TRAM1: variants seen among roughly 807,000 people sequenced by gnomAD.
TRAM1 encodes translocating chain-associated membrane protein 1.
TRAM1 carries 17 observed loss-of-function variants against 48.7 expected under a neutral mutation model. The ratio of observed to expected loss-of-function variants is 0.35; its 90% CI spans 0.24 to 0.52. TRAM1 has a LOEUF of 0.52. Ranked by LOEUF, TRAM1 falls within the 20% of genes least tolerant of loss-of-function variation. TRAM1 has a pLI of 0.94. For missense variants in TRAM1, 351 were observed against 441.5 expected (o/e 0.79, Z 1.84); for synonymous variants, 182 against 154.0 (o/e 1.18, Z -1.34).
chr8:70,600,464 T>A (rs1484759268), intron 1 of TRAM1, among the ~76,000 whole-genome samples: 1 of 152,198 alleles, frequency 6.6e-6, no homozygotes, highest in African/African-American at 2.4e-5. Flanking sequence ...ACAGTTAGCA[T>A]GAGAAAAGCA....
intron 6 of TRAM1, among the ~76,000 whole-genome samples, chr8:70,593,605 A>AT (rs1178778642): frequency 6.6e-6 from 1 of 151,838 alleles, no homozygotes; most frequent in Non-Finnish European, 1.5e-5. Flanking sequence ...TTAAAAAAAA[A>AT]AAAAAAACTC....
At position 70,574,993 on chromosome 8, in the gene TRAM1, T is replaced by G; in HGVS notation, c.1064A>C (p.Asn355Thr). The change falls in exon 11 of 11, where the codon AAT becomes ACT. Residue 355 changes from asparagine (N) to threonine (T), a missense_variant. Transcript: ENST00000262213. ...TGCTACATTTGAAGTTAATGTTCCA[T>G]TCACACCATTTTCTGCAAAAAGAAA... is the stretch of plus-strand genomic sequence containing the variant. Reference protein sequence around the residue: ...SSKKGTENGVNGTLTSNVADS... With the variant: ...SSKKGTENGVTGTLTSNVADS... 6.2e-7 allele frequency: 1 copy of G among 1,607,926 alleles called. No homozygotes were observed. Among genetic ancestry groups the G allele is most frequent in the Non-Finnish European group, 8.5e-7 (1 of 1,177,830 alleles).
At chr8:70,579,112 C>G (rs1312580817) in intron 10 of TRAM1, among the ~76,000 whole-genome samples, 4 of 152,158 alleles carry the variant, frequency 2.6e-5, no homozygotes, top group African/African-American at 9.7e-5. Context: ...ACTTAACAGG[C>G]TATGTTTTAA....
chr8:70,575,157 G>A, intron 10 of TRAM1, 152 bp from the exon 11 acceptor site: 91 of 509,166 alleles, frequency 1.8e-4, no homozygotes, highest in South Asian at 5.4e-4. Context: ...CACAAAACCT[G>A]GTAACATTTT....
intron 6 of TRAM1, chr8:70,587,440 C>T: frequency 2.5e-6 from 1 of 392,252 alleles, no homozygotes; most frequent in Middle Eastern, 6.9e-4. Flanking sequence ...ATCTCTCATC[C>T]TCAATTAGGT....
At chr8:70,594,422 T>C (rs1407145147) in intron 6 of TRAM1, 84 bp downstream of exon 6, 2 of 1,037,910 alleles carry the variant, frequency 1.9e-6, no homozygotes, top group Admixed American at 2.9e-5. Flanking sequence ...AGGGCAAACA[T>C]GTAAGAAAAT....
At chr8:70,577,790 T>TG (rs1421889829) in intron 10 of TRAM1, among the ~76,000 whole-genome samples, 1 of 152,226 alleles carries the variant, frequency 6.6e-6, no homozygotes, top group Non-Finnish European at 1.5e-5. Flanking sequence ...ACACCCTCTT[T>TG]GGGGTTCAGT....
intron 10 of TRAM1, among the ~76,000 whole-genome samples, chr8:70,582,831 G>A (rs1257224885): frequency 6.6e-6 from 1 of 152,174 alleles, no homozygotes; most frequent in Admixed American, 6.5e-5. Context: ...TTTTTAAAAT[G>A]TGAATAAGAT....
intron 2 of TRAM1, 83 bp from the exon 3 acceptor site, chr8:70,598,338 C>T: frequency 7.4e-7 from 1 of 1,352,906 alleles, no homozygotes; most frequent in East Asian, 2.7e-5. Flanking sequence ...GTTATGGAAA[C>T]AAAGAAGAAT....
At chr8:70,581,492 C>T (rs1817073393) in intron 10 of TRAM1, among the ~76,000 whole-genome samples, 1 of 152,196 alleles carries the variant, frequency 6.6e-6, no homozygotes, top group African/African-American at 2.4e-5. Context: ...ACAGGGACAA[C>T]TGAGTATCAA....
intron 1 of TRAM1, among the ~76,000 whole-genome samples, chr8:70,603,982 T>C (rs1373403651): frequency 6.6e-6 from 1 of 152,216 alleles, no homozygotes; most frequent in Non-Finnish European, 1.5e-5. Context: ...CCTGCTAGCA[T>C]TGCTGCAGTT....
intron 10 of TRAM1, 71 bp from the exon 11 acceptor site, chr8:70,575,076 G>GATT: frequency 9.2e-6 from 10 of 1,089,840 alleles, no homozygotes; most frequent in Non-Finnish European, 1.3e-5. Context: ...TATATGTAAA[G>GATT]ATACCTTCAG....
intron 1 of TRAM1, among the ~76,000 whole-genome samples, chr8:70,604,771 A>G (rs1817684288): frequency 6.6e-6 from 1 of 152,106 alleles, no homozygotes. Flanking sequence ...CCTTTTGAAT[A>G]TATTTCCTTT....
In TRAM1 at chr8:70,598,003, G is replaced by A. The variant is rs745672398; in HGVS notation, c.318C>T (p.Asn106=). The A allele has an allele frequency of 1.9e-6, 3 of 1,580,752 alleles. No homozygotes were observed. The highest frequency in any genetic ancestry group is 2.6e-6 in the Non-Finnish European group (3 of 1,162,746). The part of the protein sequence containing the change: ...VIQEYMLDKI[N]RRMHFSKTKH... ...TTGTTTTGGAGAAGTGCATTCGCCT[G>A]TTAATTTTCTAAAAATAAAAACAGC... The change falls in exon 4 of 11, where the codon AAC becomes AAT. Residue 106 remains asparagine, a synonymous_variant. Transcript: ENST00000262213.
At chr8:70,602,487 T>C (rs988990261) in intron 1 of TRAM1, among the ~76,000 whole-genome samples, 1 of 152,202 alleles carries the variant, frequency 6.6e-6, no homozygotes, top group African/African-American at 2.4e-5. Context: ...TGAACAACTT[T>C]TCCTCTTAGA....
At position 70,573,732 on chromosome 8, in the gene TRAM1, AAT is replaced by A. The variant is rs1816872630; in HGVS notation, c.*1198_*1199del. On this transcript the variant is annotated 3_prime_UTR_variant, in exon 11 of 11. Coordinates refer to ENST00000262213, the MANE Select transcript of TRAM1 (RefSeq NM_014294.6). ...ACAAGATGTGAACACTGAAAAGAAC[AAT>A]ATATATACTGTAAATATGATGAATA... is the stretch of plus-strand genomic sequence containing the variant. 6.6e-6 allele frequency: 1 copy of A among 152,588 alleles called. No homozygotes were observed. Among genetic ancestry groups the A allele is most frequent in the Non-Finnish European group, 1.5e-5 (1 of 68,042 alleles). The allele number at this position is 152,588 out of a possible 1,614,324, so 9.5% of individuals were successfully genotyped here.
chr8:70,607,172 T>C (rs1295419779), intron 1 of TRAM1: 9 of 985,332 alleles, frequency 9.1e-6, no homozygotes, highest in Non-Finnish European at 1.1e-5. Context: ...GGGAAAAACG[T>C]AGGATGTTAC....
intron 6 of TRAM1, among the ~76,000 whole-genome samples, chr8:70,591,456 G>A (rs997358684): frequency 1.3e-5 from 2 of 152,136 alleles, no homozygotes; most frequent in African/African-American, 4.8e-5. Context: ...GTCTCTGGAC[G>A]TACACATTTA....
At chr8:70,598,299 G>T in intron 2 of TRAM1, 44 bp from the exon 3 acceptor site, 2 of 1,549,238 alleles carry the variant, frequency 1.3e-6, no homozygotes, top group Admixed American at 1.9e-5. Context: ...TATACACAAG[G>T]TTATAAAAAC....
Sources: gnomAD v4.1 joint callset for allele counts (sites outside exome capture counted in the v4.1 genomes callset) on GRCh38, gnomAD v4.1.1 for gene constraint, MANE v1.5 for transcripts, NCBI Gene and HGNC (gene_info 2026-07-23, HGNC 2026-07-21) for gene names.